DIAPH2: variants seen among roughly 807,000 people sequenced by gnomAD.
The protein encoded by DIAPH2 is protein diaphanous homolog 2.
DIAPH2 carries 35 observed loss-of-function variants against 92.7 expected under a neutral mutation model. That is an observed-to-expected ratio of 0.38 (90% CI 0.29 to 0.50). The LOEUF is 0.50. Ranked by LOEUF, DIAPH2 falls within the 20% of genes least tolerant of loss-of-function variation. The pLI is 0.94. For missense variants in DIAPH2, 701 were observed against 819.5 expected, an observed-to-expected ratio of 0.86 and a Z score of 1.77; for synonymous variants, 301 against 280.4, an observed-to-expected ratio of 1.07 and a Z score of -0.73.
intron 23 of DIAPH2, among the ~76,000 whole-genome samples, chrX:97,249,042 T>C (rs1272647249): frequency 1.8e-5 from 2 of 110,477 alleles, no homozygotes; most frequent in Non-Finnish European, 3.8e-5. Flanking sequence ...AATGTGAAGG[T>C]TTCACTTTAT....
intron 25 of DIAPH2, among the ~76,000 whole-genome samples, chrX:97,415,765 A>C (rs1219916743): frequency 9.0e-6 from 1 of 110,863 alleles, no homozygotes; most frequent in African/African-American, 3.3e-5. Flanking sequence ...TGACGAGTTA[A>C]TGGATGCAGC....
intron 4 of DIAPH2, among the ~76,000 whole-genome samples, chrX:96,799,231 G>A (rs1417343265): frequency 9.0e-6 from 1 of 111,185 alleles, no homozygotes; most frequent in East Asian, 2.8e-4. Context: ...CACAAAGGCT[G>A]GGTGGCTATA....
chrX:97,311,845 G>T (rs1489763379), intron 23 of DIAPH2, among the ~76,000 whole-genome samples: 2 of 110,154 alleles, frequency 1.8e-5, no homozygotes, highest in Non-Finnish European at 3.8e-5. Flanking sequence ...TTTGGGTGGG[G>T]GAGGACAGAG....
intron 1 of DIAPH2, among the ~76,000 whole-genome samples, chrX:96,702,580 A>T (rs183525676): frequency 7.3e-4 from 82 of 112,499 alleles, no homozygotes; most frequent in Middle Eastern, 4.6e-3. Context: ...CTTAAAGTGC[A>T]GAGATTTTTT....
At position 96,923,489 on chromosome X, in the gene DIAPH2, C is replaced by A. The variant is rs1349054938; in HGVS notation, c.978+4872C>A. 2.7e-5 allele frequency among the ~76,000 whole-genome samples: 3 copies of A among 112,306 alleles called. No individual in the cohort carries two copies. The East Asian group carries it at 8.4e-4, about 32-fold the overall frequency. On this transcript the variant is annotated intron_variant, in intron 9 of 26. Transcript: ENST00000324765. ...GAGCAGCCTACAAATGTCACCAGAT[C>A]TATCAAGTAAGCCTCATGGTGAGAA...
intron 19 of DIAPH2, among the ~76,000 whole-genome samples, chrX:97,093,431 A>G (rs754268580): frequency 9.0e-6 from 1 of 111,499 alleles, no homozygotes; most frequent in Admixed American, 9.5e-5. Context: ...GGGTTTCACC[A>G]GGTACCCACC....
chrX:97,027,243 A>T (rs1837693770), intron 17 of DIAPH2, among the ~76,000 whole-genome samples: 1 of 112,482 alleles, frequency 8.9e-6, no homozygotes, highest in African/African-American at 3.2e-5. Context: ...TATCAATCAT[A>T]TCACTTCATA....
intron 16 of DIAPH2, among the ~76,000 whole-genome samples, chrX:96,962,328 TATATATATAC>T (rs1232393543): frequency 0.26 from 17,842 of 69,479 alleles, 2,907 homozygotes; most frequent in South Asian, 0.44. Flanking sequence ...TATATACACA[TATATATATAC>T]ATATATATAT....
chrX:97,197,568 T>G (rs1395643637), intron 22 of DIAPH2, among the ~76,000 whole-genome samples: 2 of 112,077 alleles, frequency 1.8e-5, no homozygotes, highest in Admixed American at 9.5e-5. Flanking sequence ...TGTAAGAAAT[T>G]TAGTTAGCCT....
chrX:97,496,829 C>T (rs2070762299), intron 26 of DIAPH2, among the ~76,000 whole-genome samples: 1 of 110,809 alleles, frequency 9.0e-6, no homozygotes, highest in Non-Finnish European at 1.9e-5. Context: ...TGAGCCACTG[C>T]ACCCAGCCAT....
intron 26 of DIAPH2, among the ~76,000 whole-genome samples, chrX:97,576,489 A>C (rs1472647503): frequency 1.2e-4 from 13 of 111,740 alleles, no homozygotes; most frequent in Non-Finnish European, 2.3e-4. Flanking sequence ...ATAATATACA[A>C]GCTAAAAGAA....
chrX:96,910,567 A>G (rs139094821), intron 5 of DIAPH2, among the ~76,000 whole-genome samples: 3,602 of 111,306 alleles, frequency 0.032, 163 homozygotes, highest in African/African-American at 0.11. Flanking sequence ...CATAGATGTT[A>G]TTATTTCACA....
chrX:96,752,336 A>G (rs892265085), intron 3 of DIAPH2, among the ~76,000 whole-genome samples: 16 of 112,348 alleles, frequency 1.4e-4, no homozygotes, highest in African/African-American at 4.5e-4. Flanking sequence ...AAGCAAGTTA[A>G]TATATTTAAA....
intron 25 of DIAPH2, among the ~76,000 whole-genome samples, chrX:97,425,590 C>T (rs771468705): frequency 9.2e-6 from 1 of 109,188 alleles, no homozygotes; most frequent in East Asian, 2.9e-4. Flanking sequence ...GCCTGGCCAA[C>T]ATGGTGAAAC....
chrX:96,968,192 G>A (rs1401633346), intron 17 of DIAPH2, among the ~76,000 whole-genome samples: 1 of 109,855 alleles, frequency 9.1e-6, no homozygotes, highest in Non-Finnish European at 1.9e-5. Flanking sequence ...TCAGCCTCTT[G>A]TATGTCTTTT....
At chrX:97,427,200 C>T (rs1475346858) in intron 25 of DIAPH2, among the ~76,000 whole-genome samples, 3 of 110,782 alleles carry the variant, frequency 2.7e-5, no homozygotes, top group Non-Finnish European at 5.7e-5. Flanking sequence ...ATCAATTTTA[C>T]CTTTTTTTAT....
rs1205751694 is a variant in DIAPH2, at chrX:96,728,069, T to A, written c.133-7689T>A. On this transcript the variant is annotated intron_variant, in intron 1 of 26. Transcript: ENST00000324765. The stretch of plus-strand genomic sequence containing the variant: ...AAAAAAAAAAAAAGAAAAAAAAAAG[T>A]AGAACACAAATAAGTGAACAATATC... Among the ~76,000 whole-genome samples the A allele has an allele frequency of 7.8e-5, 7 of 90,223 alleles. No individual in the cohort carries two copies. In the Admixed American group the frequency reaches 8.1e-4, roughly 10 times the overall value. The allele number at this position is 90,223 out of a possible 115,157, so 78.3% of individuals were successfully genotyped here.
At chrX:97,383,362 A>T (rs1314754955) in intron 24 of DIAPH2, among the ~76,000 whole-genome samples, 1 of 110,506 alleles carries the variant, frequency 9.0e-6, no homozygotes, top group Non-Finnish European at 1.9e-5. Flanking sequence ...ATATATCAGG[A>T]TCTATTCTAA....
At chrX:97,260,642 T>C (rs973756977) in intron 23 of DIAPH2, among the ~76,000 whole-genome samples, 3 of 111,964 alleles carry the variant, frequency 2.7e-5, no homozygotes, top group African/African-American at 9.7e-5. Flanking sequence ...TGAGGACATT[T>C]TATGTTTAAA....
Sources: allele counts gnomAD v4.1 joint callset (sites outside exome capture counted in the v4.1 genomes callset), GRCh38; gene constraint gnomAD v4.1.1; transcripts MANE v1.5; gene names NCBI Gene and HGNC (gene_info 2026-07-23, HGNC 2026-07-21).